HNRNPR: variants seen among roughly 807,000 people sequenced by gnomAD.
The protein encoded by HNRNPR is heterogeneous nuclear ribonucleoprotein R.
HNRNPR carries 4 observed loss-of-function variants against 70.3 expected under a neutral mutation model. The ratio of observed to expected loss-of-function variants is 0.06; its 90% CI spans 0.03 to 0.13. The LOEUF is 0.13. Ranked by LOEUF, HNRNPR falls within the 10% of genes least tolerant of loss-of-function variation. The probability of loss-of-function intolerance (pLI) is 1.00; values close to 1 mark genes in which losing one functional copy is unlikely to be tolerated. For synonymous variants in HNRNPR, 241 were observed against 267.6 expected (o/e 0.90, Z 0.97); for missense variants, 423 against 788.5 (o/e 0.54, Z 5.55).
intron 7 of HNRNPR, among the ~76,000 whole-genome samples, chr1:23,320,741 C>CA (rs1199329240): frequency 6.6e-6 from 1 of 152,090 alleles, no homozygotes; most frequent in Non-Finnish European, 1.5e-5. Flanking sequence ...TAAGAAATAT[C>CA]AAAATAAATC....
rs1049766806 is a variant in HNRNPR at position 23,307,364 on chromosome 1, A to T, written c.*3090T>A. On this transcript the variant is annotated 3_prime_UTR_variant, in exon 11 of 11. Transcript: ENST00000302271. ...TTTTAGAATTTAAAATATATAATTT[A>T]TTTTTTTGCATGCTGACCTTTTTAA... 4 of 151,922 alleles carry T rather than the reference A, an allele frequency of 2.6e-5. No individual in the cohort carries two copies. The highest frequency in any genetic ancestry group is 9.7e-5 in the African/African-American group (4 of 41,414). The allele number at this position is 151,922 out of a possible 1,614,324, so 9.4% of individuals were successfully genotyped here. A position where few individuals can be genotyped will look rare whatever the true frequency, so the allele number is the denominator to read the frequency against.
chr1:23,325,212 G>A (rs576244109), intron 5 of HNRNPR, among the ~76,000 whole-genome samples: 49 of 152,136 alleles, frequency 3.2e-4, no homozygotes, highest in African/African-American at 1.1e-3. Flanking sequence ...ATTAGTATTT[G>A]CATGACAAAT....
chr1:23,316,075 G>C (rs770264555), intron 8 of HNRNPR, among the ~76,000 whole-genome samples: 13 of 151,914 alleles, frequency 8.6e-5, no homozygotes, highest in Non-Finnish European at 1.9e-4. Context: ...ACCCAACTTG[G>C]CAAAAAAAAT....
intron 4 of HNRNPR, among the ~76,000 whole-genome samples, chr1:23,337,301 C>T (rs1383337476): frequency 6.6e-6 from 1 of 152,052 alleles, no homozygotes; most frequent in African/African-American, 2.4e-5. Context: ...AGTGTCGATC[C>T]CCAAAATTAT....
Position 23,309,293 on chromosome 1 carries a change from C to A in HNRNPR, c.*1161G>T, listed in dbSNP as rs574058256. On this transcript the variant is annotated 3_prime_UTR_variant, in exon 11 of 11. Transcript: ENST00000302271. ...AAACCAGTAACTGAAATGGTAGTCACGATCATTTTCACTAAAACTAAAGTC... is the reference window on the plus strand; with the variant it reads ...AAACCAGTAACTGAAATGGTAGTCAAGATCATTTTCACTAAAACTAAAGTC... 1 of 152,070 alleles carries A rather than the reference C, an allele frequency of 6.6e-6. No individual in the cohort carries two copies. The highest frequency in any genetic ancestry group is 1.5e-5 in the Non-Finnish European group (1 of 67,972). 9.4% of individuals were successfully genotyped at this position (152,070 alleles called of 1,614,324 possible). A position where few individuals can be genotyped will look rare whatever the true frequency, so the allele number is the denominator to read the frequency against.
intron 7 of HNRNPR, among the ~76,000 whole-genome samples, chr1:23,320,222 A>C (rs1645702730): frequency 6.6e-6 from 1 of 152,226 alleles, no homozygotes; most frequent in South Asian, 2.1e-4. Flanking sequence ...AAGGAGCTAT[A>C]GATAATAAAG....
chr1:23,343,951 AGGCCG>A (rs1646809789), intron 1 of HNRNPR, among the ~76,000 whole-genome samples: 1 of 152,074 alleles, frequency 6.6e-6, no homozygotes. Context: ...CGGCCCCAGC[AGGCCG>A]CGCGGAGAGC....
At chr1:23,333,716 T>C in intron 4 of HNRNPR, 85 bp from the exon 5 acceptor site, 1 of 718,540 alleles carries the variant, frequency 1.4e-6, no homozygotes, top group Non-Finnish European at 2.4e-6. Flanking sequence ...CAAAAAGGAC[T>C]CCAACTTCCT....
chr1:23,331,380 G>GGGA (rs1266823081), intron 5 of HNRNPR, among the ~76,000 whole-genome samples: 1 of 138,612 alleles, frequency 7.2e-6, no homozygotes, highest in Non-Finnish European at 1.5e-5. Context: ...GGGCAACACA[G>GGGA]GGAGACTCCA....
At chr1:23,320,376 T>C (rs1424302177) in intron 7 of HNRNPR, among the ~76,000 whole-genome samples, 1 of 152,150 alleles carries the variant, frequency 6.6e-6, no homozygotes, top group East Asian at 1.9e-4. Flanking sequence ...AGATCCAGAA[T>C]GTAATCTGGA....
At chr1:23,327,345 G>A (rs184955596) in intron 5 of HNRNPR, among the ~76,000 whole-genome samples, 1 of 152,242 alleles carries the variant, frequency 6.6e-6, no homozygotes, top group Non-Finnish European at 1.5e-5. Context: ...CCACAGACAA[G>A]GTCTAGGCAT....
At chr1:23,322,401 A>G (rs1315679306) in intron 6 of HNRNPR, among the ~76,000 whole-genome samples, 1 of 152,050 alleles carries the variant, frequency 6.6e-6, no homozygotes, top group Non-Finnish European at 1.5e-5. Context: ...ACGCCCAGCT[A>G]ATTTTTGTAT....
At chr1:23,332,227 GA>G (rs1185053040) in intron 5 of HNRNPR, among the ~76,000 whole-genome samples, 1 of 152,080 alleles carries the variant, frequency 6.6e-6, no homozygotes, top group Non-Finnish European at 1.5e-5. Flanking sequence ...GACAGATGGG[GA>G]AAGAATTGCT....
chr1:23,317,480 T>TC (rs1021726556), intron 8 of HNRNPR, among the ~76,000 whole-genome samples: 74 of 151,778 alleles, frequency 4.9e-4, no homozygotes, highest in African/African-American at 1.8e-3. Context: ...GCAACTCTGA[T>TC]GTGTCCCAGG....
At chr1:23,322,040 T>C (rs753427118) in intron 6 of HNRNPR, among the ~76,000 whole-genome samples, 3 of 152,116 alleles carry the variant, frequency 2.0e-5, no homozygotes, top group Admixed American at 6.5e-5. Context: ...ATACTCAAAA[T>C]AACAATATGT....
In HNRNPR at chr1:23,306,183, C is replaced by T. The variant is rs1293283676; in HGVS notation, c.*4271G>A. 6.6e-6 allele frequency: 1 copy of T among 152,050 alleles called. No homozygotes were observed. Among genetic ancestry groups the T allele is most frequent in the Non-Finnish European group, 1.5e-5 (1 of 68,022 alleles). The allele number at this position is 152,050 out of a possible 1,614,324, so 9.4% of individuals were successfully genotyped here. A position where few individuals can be genotyped will look rare whatever the true frequency, so the allele number is the denominator to read the frequency against. On this transcript the variant is annotated 3_prime_UTR_variant, in exon 11 of 11. Coordinates refer to ENST00000302271, the MANE Select transcript of HNRNPR (RefSeq NM_005826.5). ...CTATTTTGCTCACTTAAAATATACC[C>T]TGAGTATTTCATTACTTCATACTTG...
intron 5 of HNRNPR, among the ~76,000 whole-genome samples, chr1:23,327,023 C>A (rs1199517087): frequency 6.6e-6 from 1 of 152,034 alleles, no homozygotes; most frequent in Non-Finnish European, 1.5e-5. Flanking sequence ...CTCTGATTGC[C>A]CCCGTCTACC....
intron 5 of HNRNPR, among the ~76,000 whole-genome samples, chr1:23,331,986 G>T (rs1471238872): frequency 1.3e-5 from 2 of 151,936 alleles, no homozygotes; most frequent in African/African-American, 4.8e-5. Context: ...AGAAAAATTA[G>T]CCAGGCGTGG....
chr1:23,341,752 T>A (rs1346045647), intron 1 of HNRNPR, among the ~76,000 whole-genome samples: 1 of 152,186 alleles, frequency 6.6e-6, no homozygotes, highest in Non-Finnish European at 1.5e-5. Flanking sequence ...AATTTTCATA[T>A]CAGTAAAATA....
Sources: gnomAD v4.1 joint callset for allele counts (sites outside exome capture counted in the v4.1 genomes callset) on GRCh38, gnomAD v4.1.1 for gene constraint, MANE v1.5 for transcripts, NCBI Gene and HGNC (gene_info 2026-07-23, HGNC 2026-07-21) for gene names.